The following SPEN variants were observed in gnomAD, a reference collection of about 807,000 sequenced individuals.
SPEN encodes the protein msx2-interacting protein.
SPEN carries 18 observed loss-of-function variants against 269.9 expected under a neutral mutation model. The ratio of observed to expected loss-of-function variants is 0.07; its 90% CI spans 0.05 to 0.10. The LOEUF (loss-of-function observed/expected upper bound fraction) is 0.10, where lower values mean the gene tolerates loss of function less well. Ranked by LOEUF, SPEN falls within the 10% of genes least tolerant of loss-of-function variation. The pLI is 1.00. For missense variants in SPEN, 3,822 were observed against 4,631.2 expected, an observed-to-expected ratio of 0.83 and a Z score of 5.07; for synonymous variants, 1,726 against 1,765.7, an observed-to-expected ratio of 0.98 and a Z score of 0.56.
At chr1:15,911,397 C>A in intron 5 of SPEN, 96 bp downstream of exon 5, 1 of 900,578 alleles carries the variant, frequency 1.1e-6, no homozygotes, top group Non-Finnish European at 1.8e-6. Flanking sequence ...AATGAGGACA[C>A]TATTCTGGCT....
Position 15,930,193 on chromosome 1 carries a change from A to C in SPEN, c.3953A>C (p.Glu1318Ala), listed in dbSNP as rs550016692. 114 of 1,614,196 alleles carry C rather than the reference A, an allele frequency of 7.1e-5. No individual in the cohort carries two copies. In the South Asian group the frequency reaches 1.1e-3, roughly 16 times the overall value. The stretch of plus-strand genomic sequence containing the variant: ...AATCCTTATGATTCTAGCAGGAGAG[A>C]ACAGATGGCAGATATGGCCAAAATA... ...KFNPYDSSRREQMADMAKIKL... is the reference protein window; with the variant it reads ...KFNPYDSSRRAQMADMAKIKL... Residue 1318 changes from glutamate (E) to alanine (A), a missense_variant, in exon 11 of 15, where the codon GAA (glutamate) becomes GCA (alanine). Glu to Ala is a moderately radical substitution (Grantham distance 107). Around this residue, in one of 16 missense-constraint regions of SPEN, gnomAD observed 267 missense variants for 315.5 expected, o/e 0.85. Coordinates refer to ENST00000375759, the MANE Select transcript of SPEN (RefSeq NM_015001.3). The surrounding 1 kb of genome is among the most constrained non-coding windows in gnomAD (Gnocchi z 5.3).
At chr1:15,895,764 T>C (rs1238218535) in intron 3 of SPEN, among the ~76,000 whole-genome samples, 1 of 145,524 alleles carries the variant, frequency 6.9e-6, no homozygotes, top group East Asian at 2.1e-4. Flanking sequence ...CACTGCAACC[T>C]CTGCCTCCCA....
chr1:15,878,605 T>G (rs1041477264), intron 3 of SPEN, among the ~76,000 whole-genome samples: 2 of 152,214 alleles, frequency 1.3e-5, no homozygotes, highest in Non-Finnish European at 2.9e-5. Flanking sequence ...TTGTTCCACT[T>G]TTTTTTCTGC....
intron 1 of SPEN, among the ~76,000 whole-genome samples, chr1:15,868,715 T>G (rs1249166291): frequency 6.6e-6 from 1 of 152,232 alleles, no homozygotes; most frequent in Non-Finnish European, 1.5e-5. Flanking sequence ...ATTACAGGCG[T>G]GAGCCACCGT....
chr1:15,860,411 G>GTGTGTGTGTGTGTGTA (rs2148704988), intron 1 of SPEN, among the ~76,000 whole-genome samples: 1 of 143,730 alleles, frequency 7.0e-6, no homozygotes, highest in South Asian at 2.2e-4. Flanking sequence ...GTGTGTGTGT[G>GTGTGTGTGTGTGTGTA]TGTGTGTATG....
At chr1:15,911,569 A>T (rs1022223052) in intron 5 of SPEN, among the ~76,000 whole-genome samples, 1 of 152,180 alleles carries the variant, frequency 6.6e-6, no homozygotes, top group African/African-American at 2.4e-5. Flanking sequence ...AACTGTGTAG[A>T]CCCTTATTGA....
rs371195091 is a variant in SPEN, at chr1:15,937,175, G to A, written c.10039G>A (p.Glu3347Lys). ...TKTAAQGPPPEGEPLQPPQPV... is the reference protein window; with the variant it reads ...TKTAAQGPPPKGEPLQPPQPV... ...TTCCCTACACCAGGGCCCTCCTCCT[G>A]AAGGTGAGCCCCTGCAGCCTCCTCA... The change falls in exon 12 of 15, where the codon GAA (glutamate) becomes AAA (lysine). Residue 3347 changes from glutamate (E) to lysine (K), a missense_variant. Physicochemically the swap from Glu to Lys is moderately conservative, Grantham distance 56. This residue lies in a region of SPEN where 359 missense variants were observed against 377.3 expected (regional missense o/e 0.95). Coordinates refer to ENST00000375759, the MANE Select transcript of SPEN (RefSeq NM_015001.3). The surrounding 1 kb of genome is among the most constrained non-coding windows in gnomAD (Gnocchi z 5.7). 3.7e-6 allele frequency: 6 copies of A among 1,611,478 alleles called. No individual in the cohort carries two copies. Among genetic ancestry groups the A allele is most frequent in the Admixed American group, 3.3e-5 (2 of 59,920 alleles).
At chr1:15,894,876 G>GT (rs1437561082) in intron 3 of SPEN, among the ~76,000 whole-genome samples, 3 of 151,730 alleles carry the variant, frequency 2.0e-5, no homozygotes, top group Admixed American at 1.3e-4. Flanking sequence ...CTTCAAAAAA[G>GT]TTTTTTTAAA....
intron 3 of SPEN, among the ~76,000 whole-genome samples, chr1:15,882,477 T>A (rs1206600704): frequency 2.6e-5 from 4 of 151,894 alleles, no homozygotes; most frequent in Non-Finnish European, 1.5e-5. Flanking sequence ...CTGGCCAAGA[T>A]GGTGAAACCC....
At chr1:15,884,693 G>A (rs2070719816) in intron 3 of SPEN, among the ~76,000 whole-genome samples, 1 of 151,326 alleles carries the variant, frequency 6.6e-6, no homozygotes, top group African/African-American at 2.4e-5. Flanking sequence ...TGAAGTAAAA[G>A]TCAATTCCTT....
Position 15,937,573 on chromosome 1 carries a change from G to A in SPEN, c.10437G>A (p.Gln3479=), listed in dbSNP as rs144537928. The change falls in exon 12 of 15, where the codon CAG becomes CAA. Residue 3479 remains glutamine, a synonymous_variant. Transcript: ENST00000375759. This position sits in a 1 kb window ranked among gnomAD's most constrained non-coding sequence, Gnocchi z 5.7. The part of the protein sequence containing the change: ...PGLVLPHTEF[Q]PAPKQDSSPH... ...TGGTTCTGCCACACACTGAATTCCA[G>A]CCAGCCCCCAAACAAGATTCCTCTC... 293 of 1,614,138 alleles carry A rather than the reference G, an allele frequency of 1.8e-4. No homozygotes were observed. Among genetic ancestry groups the A allele is most frequent in the Non-Finnish European group, 2.4e-4 (281 of 1,180,034 alleles).
intron 3 of SPEN, among the ~76,000 whole-genome samples, chr1:15,891,549 A>T (rs2070788961): frequency 6.6e-6 from 1 of 151,902 alleles, no homozygotes; most frequent in Admixed American, 6.6e-5. Context: ...ATGGGGTTTC[A>T]CCATGTTAGC....
chr1:15,904,377 A>G (rs1383928740), intron 3 of SPEN, among the ~76,000 whole-genome samples: 1 of 146,400 alleles, frequency 6.8e-6, no homozygotes, highest in African/African-American at 2.6e-5. Context: ...GAGGCAGGAG[A>G]ATCACTTGAA....
intron 1 of SPEN, among the ~76,000 whole-genome samples, chr1:15,850,969 C>T (rs946884305): frequency 7.9e-5 from 12 of 152,090 alleles, no homozygotes; most frequent in African/African-American, 4.8e-5. Flanking sequence ...TTATATAAAA[C>T]GTTTTCAAGA....
chr1:15,921,899 C>A (rs958626632), intron 9 of SPEN, among the ~76,000 whole-genome samples: 2 of 152,146 alleles, frequency 1.3e-5, no homozygotes, highest in South Asian at 4.1e-4. Flanking sequence ...TTAAAATGTT[C>A]ATCCATATTT....
At chr1:15,872,722 T>C in intron 1 of SPEN, 94 bp from the exon 2 acceptor site, 1 of 987,474 alleles carries the variant, frequency 1.0e-6, no homozygotes, top group Non-Finnish European at 1.5e-6. Flanking sequence ...TCGTCCCTCC[T>C]ACATACATAA....
In SPEN at chr1:15,935,064, C is replaced by T; in HGVS notation, c.8824C>T (p.Leu2942=). Residue 2942 remains leucine (L), a synonymous_variant, in exon 11 of 15, where the codon CTG becomes TTG. Coordinates refer to ENST00000375759, the MANE Select transcript of SPEN (RefSeq NM_015001.3). This position sits in a 1 kb window ranked among gnomAD's most constrained non-coding sequence, Gnocchi z 7.7. ...LTQGINTPPV[L]VHNQLVLTPS... ...CCAGGGGATCAACACACCCCCTGTG[C>T]TGGTTCACAACCAGCTGGTCCTCAC... 6.2e-7 allele frequency: 1 copy of T among 1,614,112 alleles called. No individual in the cohort carries two copies. The highest frequency in any genetic ancestry group is 1.3e-5 in the African/African-American group (1 of 75,010).
chr1:15,867,451 G>C (rs1428251049), intron 1 of SPEN, among the ~76,000 whole-genome samples: 1 of 152,100 alleles, frequency 6.6e-6, no homozygotes, highest in Non-Finnish European at 1.5e-5. Flanking sequence ...GCCCACCTTG[G>C]CTTCCTACAG....
chr1:15,916,113 C>G lies in SPEN; in HGVS notation c.1244-15C>G. The G allele has an allele frequency of 6.2e-7, 1 of 1,605,284 alleles. No homozygotes were observed. Among genetic ancestry groups the G allele is most frequent in the Non-Finnish European group, 8.5e-7 (1 of 1,177,066 alleles). ...ACTGTCTTCTCTTTTTACTCGGCCC[C>G]CATTCCACTTACAGAAACAGAAAGT... On this transcript the variant is annotated splice_polypyrimidine_tract_variant and intron_variant, in intron 5 of 14. Coordinates refer to ENST00000375759, the MANE Select transcript of SPEN (RefSeq NM_015001.3).
Sources: gnomAD v4.1 joint callset for allele counts (sites outside exome capture counted in the v4.1 genomes callset) on GRCh38, gnomAD v4.1.1 for gene constraint, gnomAD v4.1.1 regional missense constraint, Gnocchi (gnomAD v3.1) non-coding constraint, MANE v1.5 for transcripts, NCBI Gene and HGNC (gene_info 2026-07-23, HGNC 2026-07-21) for gene names.